The following CWC22 variants were observed in gnomAD, a reference collection of about 807,000 sequenced individuals.
CWC22 encodes the protein pre-mRNA-splicing factor CWC22 homolog.
Under a neutral mutation model 117.2 loss-of-function variants are expected in CWC22, and 53 were observed. The observed-to-expected ratio is 0.45, with a 90% confidence interval of 0.36 to 0.57. The LOEUF (loss-of-function observed/expected upper bound fraction) is 0.57, where lower values mean the gene tolerates loss of function less well. CWC22 is among the 20% of genes least tolerant of loss of function. CWC22 has a pLI of 0.00. For missense variants in CWC22, 980 were observed against 1,068.8 expected, an observed-to-expected ratio of 0.92 and a Z score of 1.16; for synonymous variants, 360 against 355.6, an observed-to-expected ratio of 1.01 and a Z score of -0.14.
rs181997918 is a variant in CWC22, at chr2:179,974,942, T to G, written c.582-1140A>C. 6.4e-4 allele frequency among the ~76,000 whole-genome samples: 97 copies of G among 152,264 alleles called. 3 individuals are homozygous for G. In the East Asian group the frequency reaches 0.018, roughly 28 times the overall value. ...TTTTGTATTTTTCATAGAGACAGGT[T>G]TTCACAATGTTGCCCAGGCAACTCC... On this transcript the variant is annotated intron_variant, in intron 6 of 19. Transcript: ENST00000410053.
chr2:180,004,293 T>C (rs891751231), intron 1 of CWC22, among the ~76,000 whole-genome samples: 1 of 152,234 alleles, frequency 6.6e-6, no homozygotes, highest in African/African-American at 2.4e-5. Flanking sequence ...ACAAAATGCA[T>C]CACTGTGTTG....
chr2:179,946,737 T>C (rs1407035513), intron 19 of CWC22, among the ~76,000 whole-genome samples: 4 of 152,178 alleles, frequency 2.6e-5, no homozygotes, highest in Non-Finnish European at 4.4e-5. Flanking sequence ...TTCCTAAACA[T>C]AGGAGGAGTA....
At chr2:179,975,640 T>C (rs1687135526) in intron 6 of CWC22, among the ~76,000 whole-genome samples, 2 of 152,222 alleles carry the variant, frequency 1.3e-5, no homozygotes, top group Middle Eastern at 6.8e-3. Flanking sequence ...TACAATGAAC[T>C]ATCTTTCTGA....
chr2:179,975,130 A>G (rs1031116565), intron 6 of CWC22, among the ~76,000 whole-genome samples: 9 of 152,224 alleles, frequency 5.9e-5, no homozygotes, highest in Non-Finnish European at 1.0e-4. Context: ...AAAATAATAA[A>G]TACAACATGG....
In CWC22 at chr2:179,950,720, C is replaced by A. The variant is rs1210940936; in HGVS notation, c.1932G>T (p.Arg644=). The A allele has an allele frequency of 1.9e-6, 3 of 1,612,938 alleles. No individual in the cohort carries two copies. Among genetic ancestry groups the A allele is most frequent in the Non-Finnish European group, 2.5e-6 (3 of 1,179,242 alleles). The change falls in exon 19 of 20, where the codon CGG becomes CGT. Residue 644 remains arginine, a synonymous_variant. Transcript: ENST00000410053. The part of the protein sequence containing the change: ...IGLGGLTDEL[R]EHLKNTPKVI... ...CCTTTGGTGTATTTTTGAGATGCTC[C>A]CGCAGTTCATCCCTAATTTAAAATA...
At chr2:179,988,880 C>CT (rs938905919) in intron 2 of CWC22, among the ~76,000 whole-genome samples, 49 of 150,624 alleles carry the variant, frequency 3.3e-4, no homozygotes, top group South Asian at 3.2e-3. Context: ...CCAAAAACTT[C>CT]TTTTTTTTTC....
intron 1 of CWC22, among the ~76,000 whole-genome samples, chr2:180,000,296 T>C (rs1687813803): frequency 6.6e-6 from 1 of 152,144 alleles, no homozygotes; most frequent in African/African-American, 2.4e-5. Context: ...AGGTTGAAAA[T>C]CCTTTATCTG....
chr2:179,946,252 C>G (rs1043012505), intron 19 of CWC22, among the ~76,000 whole-genome samples: 14 of 151,796 alleles, frequency 9.2e-5, no homozygotes, highest in African/African-American at 3.1e-4. Context: ...AAGTTGGAGA[C>G]CAGCCTGGGT....
intron 1 of CWC22, among the ~76,000 whole-genome samples, chr2:180,003,438 A>C (rs1300375503): frequency 6.6e-6 from 1 of 152,174 alleles, no homozygotes; most frequent in Non-Finnish European, 1.5e-5. Context: ...CAGCTTGCCT[A>C]ATTAAGTATA....
chr2:179,963,436 A>G (rs573710229), intron 13 of CWC22, among the ~76,000 whole-genome samples: 5,274 of 122,470 alleles, frequency 0.043, 99 homozygotes, highest in Non-Finnish European at 0.059. Flanking sequence ...TCCGCCTCCC[A>G]GGTTCACGCC....
chr2:179,996,821 T>C (rs1687714347), intron 1 of CWC22, among the ~76,000 whole-genome samples: 1 of 105,114 alleles, frequency 9.5e-6, no homozygotes, highest in African/African-American at 3.8e-5. Flanking sequence ...TTTTTAAAAG[T>C]GTTAAAAGAT....
intron 1 of CWC22, among the ~76,000 whole-genome samples, chr2:179,997,554 G>C (rs1687739111): frequency 6.6e-6 from 1 of 152,092 alleles, no homozygotes; most frequent in Non-Finnish European, 1.5e-5. Flanking sequence ...AAGGTATAGA[G>C]AGCCATAAAA....
intron 14 of CWC22, among the ~76,000 whole-genome samples, chr2:179,956,206 G>C (rs898971866): frequency 6.6e-6 from 1 of 151,830 alleles, no homozygotes; most frequent in African/African-American, 2.4e-5. Flanking sequence ...CTCCAGAGGA[G>C]GACTTAGAGC....
chr2:179,987,522 G>A lies in CWC22; in HGVS notation c.96-717C>T, dbSNP rs866028684. On this transcript the variant is annotated intron_variant, in intron 3 of 19. Coordinates refer to ENST00000410053, the MANE Select transcript of CWC22 (RefSeq NM_020943.3). ...TTTGTTTTTTGTTTTTAAATATATAGGGAGTAGACAATCGGTGAAAGATAG... is the reference window on the plus strand; with the variant it reads ...TTTGTTTTTTGTTTTTAAATATATAAGGAGTAGACAATCGGTGAAAGATAG... 7.2e-5 allele frequency among the ~76,000 whole-genome samples: 11 copies of A among 152,084 alleles called. No individual in the cohort carries two copies. In the Middle Eastern group the frequency reaches 0.01, roughly 142 times the overall value.
In CWC22 at chr2:179,965,962, T is replaced by C. The variant is rs375167058; in HGVS notation, c.1231A>G (p.Thr411Ala). 3.1e-6 allele frequency: 5 copies of C among 1,611,466 alleles called. No homozygotes were observed. The highest frequency in any genetic ancestry group is 2.2e-5 in the South Asian group (2 of 90,744). Residue 411 changes from threonine to alanine, a missense_variant, in exon 12 of 20, where the codon ACT (threonine) becomes GCT (alanine). Transcript: ENST00000410053. ...GCATCCTGGTCTGTGTTCGAGTCAG[T>C]ATCTCCCTCATCAAGAATTTCTGTA... ...IKKEILDEGD[T>A]DSNTDQDAGS...
chr2:180,003,908 A>G (rs1362863518), intron 1 of CWC22, among the ~76,000 whole-genome samples: 3 of 152,154 alleles, frequency 2.0e-5, no homozygotes, highest in Non-Finnish European at 4.4e-5. Flanking sequence ...GCTATAATCC[A>G]TGCTTAAAGT....
At position 179,945,278 on chromosome 2, in the gene CWC22, T is replaced by C; in HGVS notation, c.2578A>G (p.Lys860Glu). 6.2e-7 allele frequency: 1 copy of C among 1,613,740 alleles called. No individual in the cohort carries two copies. Residue 860 changes from lysine (K) to glutamate (E), a missense_variant, in exon 20 of 20, where the codon AAG becomes GAG. This residue lies in a region of CWC22 where 306 missense variants were observed against 296.8 expected (regional missense o/e 1.03). Transcript: ENST00000410053. ...DRSKSKEMNR[K>E]HSGSRSDEDR... is the part of the protein sequence containing the mutation. ...TCATCACTTCTTGAGCCTGAGTGCT[T>C]TCTATTCATTTCCTTTGACTTTGAT...
rs747515587 is a variant in CWC22, at chr2:179,945,735, G to C, written c.2141-20C>G. On this transcript the variant is annotated intron_variant, in intron 19 of 19. Transcript: ENST00000410053. ...CATTAGCTGCGTGTGTAAAATAAAA[G>C]ACAGTTAGCTTTTATTTCAATCTTA... is the stretch of plus-strand genomic sequence containing the variant. 4.4e-6 allele frequency: 6 copies of C among 1,368,038 alleles called. No homozygotes were observed. In the African/African-American group the frequency reaches 8.8e-5, roughly 20 times the overall value. The allele number at this position is 1,368,038 out of a possible 1,614,324, so 84.7% of individuals were successfully genotyped here. A position where few individuals can be genotyped will look rare whatever the true frequency, so the allele number is the denominator to read the frequency against.
At chr2:179,974,637 CT>C (rs905999337) in intron 6 of CWC22, among the ~76,000 whole-genome samples, 6 of 152,196 alleles carry the variant, frequency 3.9e-5, no homozygotes, top group African/African-American at 7.2e-5. Context: ...TCTAAGTCTA[CT>C]TTTTTTCTAA....
Sources: allele counts gnomAD v4.1 joint callset (sites outside exome capture counted in the v4.1 genomes callset), GRCh38; gene constraint gnomAD v4.1.1; regional missense constraint gnomAD v4.1.1; transcripts MANE v1.5; gene names NCBI Gene and HGNC (gene_info 2026-07-23, HGNC 2026-07-21).